Variants in ACSM2B observed in about 807,000 individuals in gnomAD.
ACSM2B encodes acyl-CoA synthetase medium chain family member 2B, also known as acyl-coenzyme A synthetase ACSM2B, mitochondrial.
A neutral mutation model predicts 78.6 loss-of-function variants in ACSM2B; 58 were observed. The ratio of observed to expected loss-of-function variants is 0.74; its 90% CI spans 0.60 to 0.92. ACSM2B has a LOEUF of 0.92. Among genes scored for constraint, ACSM2B ranks in the 40% least tolerant of loss-of-function variants. The pLI, the probability that ACSM2B is intolerant of heterozygous loss-of-function variation, is 0.00. For synonymous variants in ACSM2B, 257 were observed against 256.8 expected, an observed-to-expected ratio of 1.00 and a Z score of -0.01; for missense variants, 688 against 711.2, an observed-to-expected ratio of 0.97 and a Z score of 0.37.
chr16:20,546,825 A>C (rs574790071), intron 8 of ACSM2B: 3 of 205,292 alleles, frequency 1.5e-5, no homozygotes, highest in African/African-American at 6.9e-5. Flanking sequence ...GTAAGACCTA[A>C]AATATACTTA....
At chr16:20,569,599 G>C (rs1036119676) in intron 1 of ACSM2B, among the ~76,000 whole-genome samples, 1 of 151,312 alleles carries the variant, frequency 6.6e-6, no homozygotes, top group African/African-American at 2.4e-5. Context: ...TTTTTCTCTA[G>C]TTCTGTGAAG....
intron 1 of ACSM2B, among the ~76,000 whole-genome samples, chr16:20,567,853 T>C (rs2015975004): frequency 7.0e-6 from 1 of 142,366 alleles, no homozygotes; most frequent in African/African-American, 2.5e-5. Context: ...TAATATATTT[T>C]ATATATTATA....
At chr16:20,550,994 T>A (rs1005901132) in intron 6 of ACSM2B, among the ~76,000 whole-genome samples, 1 of 152,184 alleles carries the variant, frequency 6.6e-6, no homozygotes, top group Non-Finnish European at 1.5e-5. Context: ...CGTAATGGAA[T>A]ACTATGCAGC....
intron 1 of ACSM2B, among the ~76,000 whole-genome samples, chr16:20,567,884 TTATA>T (rs1291112503): frequency 7.0e-6 from 1 of 143,104 alleles, no homozygotes; most frequent in Non-Finnish European, 1.5e-5. Context: ...TACTATACTA[TTATA>T]TAGTGTGGCT....
In ACSM2B at chr16:20,554,115, G is replaced by C. The variant is rs1474048305; in HGVS notation, c.597-195C>G. 1.0e-5 allele frequency: 9 copies of C among 871,296 alleles called. No individual in the cohort carries two copies. The African/African-American group carries it at 1.2e-4, about 11-fold the overall frequency. The allele number at this position is 871,296 out of a possible 1,614,324, so 54.0% of individuals were successfully genotyped here. ...TTGGGTTTGAAAACTACTCAAGTTT[G>C]GCACTTTGTTATCAATGCAACCTTA... On this transcript the variant is annotated intron_variant, in intron 4 of 13. Transcript: ENST00000329697.
chr16:20,544,797 A>G (rs2152133221), intron 10 of ACSM2B: 2 of 996,104 alleles, frequency 2.0e-6, no homozygotes, highest in East Asian at 2.1e-4. Flanking sequence ...AAAGAAGATC[A>G]ACGGCATAGA....
intron 6 of ACSM2B, among the ~76,000 whole-genome samples, chr16:20,548,804 A>G (rs1295286360): frequency 6.6e-6 from 1 of 152,136 alleles, no homozygotes; most frequent in Non-Finnish European, 1.5e-5. Context: ...CCCAGCAACC[A>G]AGGGAAGATC....
At chr16:20,545,131 A>G (rs747962899) in intron 10 of ACSM2B, 26 bp downstream of exon 10, 1 of 1,601,262 alleles carries the variant, frequency 6.2e-7, no homozygotes, top group Non-Finnish European at 8.5e-7. Flanking sequence ...ACTGGGGAAC[A>G]GAGGAGGAGA....
chr16:20,569,843 T>C (rs1301694743), intron 1 of ACSM2B, among the ~76,000 whole-genome samples: 1 of 151,930 alleles, frequency 6.6e-6, no homozygotes, highest in Non-Finnish European at 1.5e-5. Flanking sequence ...GTTGAGTTCT[T>C]GATTTAATTC....
chr16:20,560,264 C>A (rs1242807013), intron 2 of ACSM2B, among the ~76,000 whole-genome samples: 1 of 151,582 alleles, frequency 6.6e-6, no homozygotes, highest in Non-Finnish European at 1.5e-5. Context: ...GAATATTTGT[C>A]CTCTCCAAGT....
intron 4 of ACSM2B, among the ~76,000 whole-genome samples, chr16:20,554,911 C>G (rs112161468): frequency 0.012 from 1,782 of 152,348 alleles, 39 homozygotes; most frequent in African/African-American, 0.039. Context: ...GGAACTCTGA[C>G]CCACTCTTCA....
intron 2 of ACSM2B, among the ~76,000 whole-genome samples, chr16:20,562,504 T>C (rs780128545): frequency 4.6e-5 from 7 of 152,230 alleles, no homozygotes; most frequent in African/African-American, 7.2e-5. Flanking sequence ...ATTTTGTTCT[T>C]GCTCATTCGT....
intron 13 of ACSM2B, among the ~76,000 whole-genome samples, chr16:20,540,208 G>C (rs1407403775): frequency 8.0e-6 from 1 of 125,186 alleles, no homozygotes; most frequent in Non-Finnish European, 1.7e-5. Context: ...AGCATAGGAA[G>C]AGTTGTTTTT....
At position 20,553,558 on chromosome 16, in the gene ACSM2B, T is replaced by G. The variant is rs538019615; in HGVS notation, c.740+219A>C. On this transcript the variant is annotated intron_variant, in intron 5 of 13. Coordinates refer to ENST00000329697, the MANE Select transcript of ACSM2B (RefSeq NM_001105069.2). ...CCTGCTAGGCACATGGCTTAACACA[T>G]GGAAGAAGTTTTGAGACCCTGTGTT... Among the ~76,000 whole-genome samples, 54 of 152,326 alleles carry G rather than the reference T, an allele frequency of 3.5e-4. 1 individual carries two copies. The highest frequency in any genetic ancestry group is 1.3e-3 in the African/African-American group (52 of 41,578).
At chr16:20,572,033 G>C (rs1297925422) in intron 1 of ACSM2B, among the ~76,000 whole-genome samples, 2 of 149,978 alleles carry the variant, frequency 1.3e-5, no homozygotes, top group Non-Finnish European at 3.0e-5. Flanking sequence ...ATGCAATTCT[G>C]TATCTTTTAA....
In ACSM2B at chr16:20,548,389, A is replaced by G. The variant is rs761046293; in HGVS notation, c.974+5T>C. The G allele has an allele frequency of 5.6e-6, 9 of 1,613,694 alleles. No homozygotes were observed. The highest frequency in any genetic ancestry group is 4.4e-5 in the South Asian group (4 of 91,056). Reference sequence around the variant, plus strand: ...CTCTCTTACCAATCCTCAAAGCCCCATCACCTGGAAAGATCCTGCTGTAGC... The same window carrying G: ...CTCTCTTACCAATCCTCAAAGCCCCGTCACCTGGAAAGATCCTGCTGTAGC... On this transcript the variant is annotated splice_donor_5th_base_variant and intron_variant, in intron 7 of 13. Transcript: ENST00000329697.
chr16:20,549,735 G>A (rs565879138), intron 6 of ACSM2B: 2 of 446,408 alleles, frequency 4.5e-6, no homozygotes, highest in Non-Finnish European at 8.9e-6. Context: ...TACATTTTAG[G>A]GAGACATAAG....
intron 4 of ACSM2B, among the ~76,000 whole-genome samples, chr16:20,554,997 C>G (rs192466874): frequency 3.2e-4 from 48 of 152,314 alleles, no homozygotes; most frequent in African/African-American, 1.1e-3. Context: ...GGACCAGATG[C>G]TAATGATTCA....
chr16:20,548,966 G>A (rs2015225590), intron 6 of ACSM2B, among the ~76,000 whole-genome samples: 1 of 152,154 alleles, frequency 6.6e-6, no homozygotes, highest in Admixed American at 6.5e-5. Flanking sequence ...GACATCTATA[G>A]ACATTTCAAA....
Sources: allele counts gnomAD v4.1 joint callset (sites outside exome capture counted in the v4.1 genomes callset), GRCh38; gene constraint gnomAD v4.1.1; transcripts MANE v1.5; gene names NCBI Gene and HGNC (gene_info 2026-07-23, HGNC 2026-07-21).